The following EYA1 variants were observed in gnomAD, a reference collection of about 807,000 sequenced individuals.
EYA1 encodes the protein EYA transcriptional coactivator and phosphatase 1, also known as protein phosphatase EYA1.
A neutral mutation model predicts 82.0 loss-of-function variants in EYA1; 16 were observed. The ratio of observed to expected loss-of-function variants is 0.20; its 90% CI spans 0.13 to 0.30. EYA1 has a LOEUF of 0.30. EYA1 is among the 10% of genes least tolerant of loss of function. The probability of loss-of-function intolerance (pLI) is 1.00; values close to 1 mark genes in which losing one functional copy is unlikely to be tolerated. For missense variants in EYA1, 633 were observed against 730.7 expected (o/e 0.87, Z 1.54); for synonymous variants, 261 against 264.4 (o/e 0.99, Z 0.12).
In EYA1 at chr8:71,199,432, G is replaced by A. The variant is rs1244838739; in HGVS notation, c.1699-12C>T. 1.9e-6 allele frequency: 3 copies of A among 1,606,228 alleles called. No homozygotes were observed. Among genetic ancestry groups the A allele is most frequent in the Admixed American group, 1.7e-5 (1 of 59,916 alleles). On this transcript the variant is annotated splice_polypyrimidine_tract_variant and intron_variant, in intron 17 of 17. Transcript: ENST00000340726. Reference sequence around the variant, plus strand: ...AAGGGCATCGCGTGCTGCAGCAGAGGCACACATACATGTGAGGACAGAGCA... The same window carrying A: ...AAGGGCATCGCGTGCTGCAGCAGAGACACACATACATGTGAGGACAGAGCA...
intron 12 of EYA1, 95 bp from the exon 13 acceptor site, chr8:71,217,118 C>T (rs1585821403): frequency 3.3e-6 from 3 of 916,920 alleles, no homozygotes; most frequent in East Asian, 2.5e-5. Context: ...TTTAAAGCAC[C>T]TTAATTGGAG....
chr8:71,305,554 G>A (rs1820633738), intron 7 of EYA1, among the ~76,000 whole-genome samples: 1 of 100,864 alleles, frequency 9.9e-6, no homozygotes, highest in African/African-American at 2.9e-5. Flanking sequence ...GCTGAGGCAG[G>A]AGAATCACTT....
At chr8:71,368,901 T>C (rs1478406385) in intron 2 of EYA1, among the ~76,000 whole-genome samples, 1 of 151,946 alleles carries the variant, frequency 6.6e-6, no homozygotes, top group East Asian at 1.9e-4. Context: ...ATTAAGATCT[T>C]CTTAAGGCCG....
chr8:71,481,262 C>T (rs1456057903), intron 2 of EYA1, among the ~76,000 whole-genome samples: 1 of 152,058 alleles, frequency 6.6e-6, no homozygotes, highest in Admixed American at 6.6e-5. Flanking sequence ...TGAGAAAGCA[C>T]CTTACAAAAT....
chr8:71,373,808 A>G (rs1333899478), intron 2 of EYA1, among the ~76,000 whole-genome samples: 1 of 152,206 alleles, frequency 6.6e-6, no homozygotes, highest in Non-Finnish European at 1.5e-5. Context: ...CCAATGGAAC[A>G]GGATAAAGAG....
At chr8:71,373,354 A>G (rs1173153533) in intron 2 of EYA1, among the ~76,000 whole-genome samples, 3 of 152,266 alleles carry the variant, frequency 2.0e-5, no homozygotes, top group South Asian at 4.1e-4. Flanking sequence ...AATCTATTTG[A>G]AAAAGAAATC....
chr8:71,413,075 T>C (rs1273341962), intron 2 of EYA1, among the ~76,000 whole-genome samples: 3 of 152,158 alleles, frequency 2.0e-5, no homozygotes, highest in Non-Finnish European at 4.4e-5. Flanking sequence ...AGTTTAACTG[T>C]ATGGAGTGAG....
chr8:71,298,058 A>T (rs904067548), intron 9 of EYA1, among the ~76,000 whole-genome samples: 2 of 152,192 alleles, frequency 1.3e-5, no homozygotes, highest in Non-Finnish European at 2.9e-5. Flanking sequence ...CTTTTGGGGG[A>T]GAAATCACCC....
intron 2 of EYA1, among the ~76,000 whole-genome samples, chr8:71,473,453 T>G (rs892112973): frequency 1.3e-5 from 2 of 151,410 alleles, no homozygotes; most frequent in Non-Finnish European, 2.9e-5. Context: ...GAAAAAAAGC[T>G]CATCATCACT....
chr8:71,351,288 C>T (rs1302760717), intron 3 of EYA1, among the ~76,000 whole-genome samples: 1 of 152,106 alleles, frequency 6.6e-6, no homozygotes, highest in Non-Finnish European at 1.5e-5. Flanking sequence ...TTAGTGTCTT[C>T]CAGGTCAAGC....
rs573787038 is a variant in EYA1, at chr8:71,253,147, C to T, written c.1051-8455G>A. Among the ~76,000 whole-genome samples the T allele has an allele frequency of 1.2e-4, 19 of 152,140 alleles. No homozygotes were observed. The East Asian group carries it at 1.3e-3, about 11-fold the overall frequency. ...AGAAAGGTTTTGTCTGTGGTCAAGT[C>T]GAAGGATAAATTTGTGAAAGCACTT... On this transcript the variant is annotated intron_variant, in intron 11 of 17. Transcript: ENST00000340726.
intron 2 of EYA1, among the ~76,000 whole-genome samples, chr8:71,396,860 G>A (rs182917301): frequency 1.5e-4 from 23 of 152,226 alleles, no homozygotes; most frequent in East Asian, 7.7e-4. Flanking sequence ...TTTCTGTGTC[G>A]TTGATCTGTC....
At position 71,215,371 on chromosome 8, in the gene EYA1, A is replaced by C. The variant is rs754144955; in HGVS notation, c.1597+16T>G. ...GAAAAGAGCTGATTGTTAAAAAGAAAAGAAAAGCAGCTCACCTATTTTAGT... is the reference window on the plus strand; with the variant it reads ...GAAAAGAGCTGATTGTTAAAAAGAACAGAAAAGCAGCTCACCTATTTTAGT... On this transcript the variant is annotated intron_variant, in intron 16 of 17. Coordinates refer to ENST00000340726, the MANE Select transcript of EYA1 (RefSeq NM_000503.6). 3 of 1,610,732 alleles carry C rather than the reference A, an allele frequency of 1.9e-6. No individual in the cohort carries two copies. Among genetic ancestry groups the C allele is most frequent in the African/African-American group, 2.7e-5 (2 of 74,838 alleles).
chr8:71,423,810 T>A (rs1044105626), intron 2 of EYA1, among the ~76,000 whole-genome samples: 2 of 152,158 alleles, frequency 1.3e-5, no homozygotes, highest in East Asian at 1.9e-4. Flanking sequence ...AGGCATACAT[T>A]CCAAAATATA....
intron 16 of EYA1, among the ~76,000 whole-genome samples, chr8:71,212,570 C>T (rs1281076567): frequency 6.6e-6 from 1 of 152,172 alleles, no homozygotes; most frequent in Admixed American, 6.5e-5. Flanking sequence ...TGCCTATATA[C>T]TATCTATCTC....
At chr8:71,356,390 C>A in intron 2 of EYA1, 72 bp downstream of exon 2, 1 of 1,311,600 alleles carries the variant, frequency 7.6e-7, no homozygotes, top group South Asian at 1.3e-5. Context: ...AATTAAGAAA[C>A]ACTAGACAAA....
chr8:71,216,907 T>G, intron 13 of EYA1, 55 bp from the exon 14 acceptor site: 1 of 1,611,496 alleles, frequency 6.2e-7, no homozygotes, highest in Non-Finnish European at 8.5e-7. Context: ...CCATCTTAAT[T>G]AGGTAAGTAA....
intron 9 of EYA1, among the ~76,000 whole-genome samples, chr8:71,273,798 GAAGT>G (rs1220888286): frequency 6.6e-6 from 1 of 152,166 alleles, no homozygotes. Flanking sequence ...CTGGCTTTTG[GAAGT>G]AAGTATTTGA....
At chr8:71,283,304 T>A (rs1000155026) in intron 9 of EYA1, among the ~76,000 whole-genome samples, 6 of 152,190 alleles carry the variant, frequency 3.9e-5, no homozygotes, top group East Asian at 1.9e-4. Context: ...TGCTCAAGTG[T>A]CACCCGATGG....
Sources: gnomAD v4.1 joint callset for allele counts (sites outside exome capture counted in the v4.1 genomes callset) on GRCh38, gnomAD v4.1.1 for gene constraint, MANE v1.5 for transcripts, NCBI Gene and HGNC (gene_info 2026-07-23, HGNC 2026-07-21) for gene names.